EFCAB6: variants seen among roughly 807,000 people sequenced by gnomAD.
EFCAB6 encodes the protein EF-hand calcium-binding domain-containing protein 6.
A neutral mutation model predicts 169.8 loss-of-function variants in EFCAB6; 156 were observed. The ratio of observed to expected loss-of-function variants is 0.92; its 90% CI spans 0.81 to 1.05. The LOEUF (loss-of-function observed/expected upper bound fraction) is 1.05, where lower values mean the gene tolerates loss of function less well. EFCAB6 is among the 50% of genes least tolerant of loss of function. EFCAB6 has a pLI of 0.00. For missense variants in EFCAB6, 1,800 were observed against 1,829.1 expected, an observed-to-expected ratio of 0.98 and a Z score of 0.29; for synonymous variants, 698 against 676.4, an observed-to-expected ratio of 1.03 and a Z score of -0.50.
At chr22:43,726,619 T>C (rs1318800233) in intron 8 of EFCAB6, among the ~76,000 whole-genome samples, 2 of 152,206 alleles carry the variant, frequency 1.3e-5, no homozygotes, top group Non-Finnish European at 2.9e-5. Context: ...GCTTTAGGAA[T>C]TGGAAAACAG....
chr22:43,580,421 T>A (rs753079023), intron 25 of EFCAB6, 43 bp downstream of exon 25: 3 of 1,599,276 alleles, frequency 1.9e-6, no homozygotes, highest in Non-Finnish European at 1.7e-6. Flanking sequence ...TTTTCATGAA[T>A]CAAGATGAGT....
chr22:43,790,320 C>T (rs563090466), intron 2 of EFCAB6, among the ~76,000 whole-genome samples: 9 of 152,208 alleles, frequency 5.9e-5, no homozygotes, highest in African/African-American at 1.9e-4. Flanking sequence ...AGAATTATAC[C>T]GAAAAACAAA....
intron 17 of EFCAB6, among the ~76,000 whole-genome samples, chr22:43,651,665 T>C (rs886221534): frequency 1.3e-5 from 2 of 152,192 alleles, no homozygotes; most frequent in Non-Finnish European, 2.9e-5. Flanking sequence ...AGACACTCAA[T>C]GTCAGCCCAT....
At chr22:43,708,858 G>C (rs527996289) in intron 10 of EFCAB6, among the ~76,000 whole-genome samples, 56 of 152,112 alleles carry the variant, frequency 3.7e-4, no homozygotes, top group Admixed American at 6.5e-4. Context: ...ATTAGCACTT[G>C]AGTGTTCACT....
intron 5 of EFCAB6, among the ~76,000 whole-genome samples, chr22:43,763,047 AT>A (rs1051337165): frequency 2.4e-4 from 36 of 151,160 alleles, no homozygotes; most frequent in Admixed American, 2.3e-3. Context: ...GCACTCATTC[AT>A]TTTTTTTTAA....
At chr22:43,732,177 G>GC (rs2059977188) in intron 7 of EFCAB6, among the ~76,000 whole-genome samples, 2 of 152,200 alleles carry the variant, frequency 1.3e-5, no homozygotes, top group East Asian at 1.9e-4. Context: ...GACAGCAGAA[G>GC]CAGGTCCCAT....
chr22:43,542,831 A>G (rs533701730), intron 27 of EFCAB6, among the ~76,000 whole-genome samples: 3 of 152,272 alleles, frequency 2.0e-5, no homozygotes, highest in South Asian at 4.2e-4. Flanking sequence ...GGATTCTGAA[A>G]AACTGCCAGC....
At chr22:43,547,350 C>T (rs540345014) in intron 27 of EFCAB6, among the ~76,000 whole-genome samples, 5 of 151,846 alleles carry the variant, frequency 3.3e-5, no homozygotes, top group African/African-American at 7.3e-5. Context: ...TTGTTACATA[C>T]GATAAAATTT....
At chr22:43,742,928 C>A (rs901440181) in intron 6 of EFCAB6, among the ~76,000 whole-genome samples, 1 of 152,160 alleles carries the variant, frequency 6.6e-6, no homozygotes, top group African/African-American at 2.4e-5. Flanking sequence ...TGAGACCAAA[C>A]CCACTGGGCT....
Position 43,683,886 on chromosome 22 carries a change from A to G in EFCAB6, c.1143-31T>C, listed in dbSNP as rs763076795. The G allele has an allele frequency of 2.6e-6, 4 of 1,514,770 alleles. No individual in the cohort carries two copies. The African/African-American group carries it at 4.1e-5, about 16-fold the overall frequency. 93.8% of individuals were successfully genotyped at this position (1,514,770 alleles called of 1,614,324 possible). On this transcript the variant is annotated intron_variant, in intron 11 of 31. Coordinates refer to ENST00000262726, the MANE Select transcript of EFCAB6 (RefSeq NM_022785.4). ...AGAGGATTAGGAGAAAAGCAGGAATAAGATTATGTTCTTGAACTTTGTTCT... is the reference window on the plus strand; with the variant it reads ...AGAGGATTAGGAGAAAAGCAGGAATGAGATTATGTTCTTGAACTTTGTTCT...
chr22:43,659,725 G>A (rs1186719398), intron 17 of EFCAB6, among the ~76,000 whole-genome samples: 1 of 152,148 alleles, frequency 6.6e-6, no homozygotes, highest in South Asian at 2.1e-4. Flanking sequence ...GATTAGGGTC[G>A]TGTCCCCAAG....
At chr22:43,726,280 A>G in intron 8 of EFCAB6, among the ~76,000 whole-genome samples, 1 of 111,800 alleles carries the variant, frequency 8.9e-6, no homozygotes, top group Non-Finnish European at 2.0e-5. Flanking sequence ...ATTCACCAAA[A>G]AAAAAAAAAA....
chr22:43,657,114 A>T, intron 17 of EFCAB6, among the ~76,000 whole-genome samples: 1 of 145,348 alleles, frequency 6.9e-6, no homozygotes, highest in East Asian at 2.3e-4. Context: ...ACTTGGGGAA[A>T]CCCTGTTTCT....
chr22:43,545,980 T>C (rs1238017400), intron 27 of EFCAB6, among the ~76,000 whole-genome samples: 2 of 151,928 alleles, frequency 1.3e-5, no homozygotes, highest in East Asian at 1.9e-4. Flanking sequence ...TAAACATGAG[T>C]TGGCAAAAAC....
At chr22:43,541,609 G>C (rs7286303) in intron 27 of EFCAB6, among the ~76,000 whole-genome samples, 32,073 of 152,134 alleles carry the variant, frequency 0.21, 3,644 homozygotes, top group African/African-American at 0.26. Context: ...CTATTTTGTG[G>C]AGAAGTGAGG....
intron 10 of EFCAB6, among the ~76,000 whole-genome samples, chr22:43,704,685 T>C (rs1254175102): frequency 6.6e-6 from 1 of 152,086 alleles, no homozygotes; most frequent in Non-Finnish European, 1.5e-5. Flanking sequence ...GTTATCAGCA[T>C]AAAGTGGACT....
intron 2 of EFCAB6, among the ~76,000 whole-genome samples, chr22:43,792,212 G>A (rs538038441): frequency 2.6e-5 from 4 of 152,316 alleles, no homozygotes; most frequent in East Asian, 1.9e-4. Context: ...AAGGCAAGTC[G>A]GGGAGTGGGA....
chr22:43,674,816 T>C (rs1398334129), intron 13 of EFCAB6, among the ~76,000 whole-genome samples: 2 of 152,136 alleles, frequency 1.3e-5, no homozygotes, highest in Non-Finnish European at 2.9e-5. Flanking sequence ...AGGTAAATTA[T>C]TTGCACCAGG....
chr22:43,547,393 C>T (rs1395231031), intron 27 of EFCAB6, among the ~76,000 whole-genome samples: 1 of 152,130 alleles, frequency 6.6e-6, no homozygotes, highest in Non-Finnish European at 1.5e-5. Flanking sequence ...GTTAAAATAA[C>T]AGAAATAGAT....
Sources: allele counts gnomAD v4.1 joint callset (sites outside exome capture counted in the v4.1 genomes callset), GRCh38; gene constraint gnomAD v4.1.1; transcripts MANE v1.5; gene names NCBI Gene and HGNC (gene_info 2026-07-23, HGNC 2026-07-21).